ARMH3: variants seen among roughly 807,000 people sequenced by gnomAD.
ARMH3 encodes armadillo-like helical domain-containing protein 3.
In ARMH3, 60 loss-of-function variants were observed where a neutral mutation model predicts 99.1. That is an observed-to-expected ratio of 0.61 (90% CI 0.49 to 0.75). The LOEUF is 0.75. ARMH3 is among the 30% of genes least tolerant of loss of function. The pLI is 0.00. For synonymous variants in ARMH3, 285 were observed against 292.8 expected, an observed-to-expected ratio of 0.97 and a Z score of 0.27; for missense variants, 679 against 843.1, an observed-to-expected ratio of 0.81 and a Z score of 2.41.
At chr10:101,854,479 C>T (rs147270021) in intron 24 of ARMH3, among the ~76,000 whole-genome samples, 1 of 152,196 alleles carries the variant, frequency 6.6e-6, no homozygotes, top group Non-Finnish European at 1.5e-5. Context: ...TTCTTCACCA[C>T]AAAGGAACAA....
chr10:101,902,186 A>G (rs905190816), intron 23 of ARMH3, among the ~76,000 whole-genome samples: 6 of 152,324 alleles, frequency 3.9e-5, no homozygotes, highest in Admixed American at 1.3e-4. Context: ...TCAAAATGAA[A>G]GCCCCAAATT....
chr10:101,972,174 GAT>G (rs1437157422), intron 20 of ARMH3, among the ~76,000 whole-genome samples: 2 of 152,104 alleles, frequency 1.3e-5, no homozygotes, highest in African/African-American at 4.8e-5. Context: ...TTGTCCATAA[GAT>G]CACACCTGTA....
chr10:102,029,815 T>C, intron 4 of ARMH3, 70 bp from the exon 5 acceptor site: 1 of 1,394,680 alleles, frequency 7.2e-7, no homozygotes, highest in Non-Finnish European at 1.0e-6. Flanking sequence ...CATTGCAGCC[T>C]CATCCTTACA....
At chr10:102,002,721 G>A (rs756850775) in intron 14 of ARMH3, among the ~76,000 whole-genome samples, 2 of 151,950 alleles carry the variant, frequency 1.3e-5, no homozygotes, top group African/African-American at 2.4e-5. Context: ...AGCACTTTGG[G>A]AGCCCGAGTT....
At chr10:101,892,262 T>C (rs2067711608) in intron 23 of ARMH3, among the ~76,000 whole-genome samples, 2 of 151,804 alleles carry the variant, frequency 1.3e-5, no homozygotes, top group South Asian at 2.1e-4. Flanking sequence ...CTGAGCAACA[T>C]GGTGAGACCT....
intron 22 of ARMH3, among the ~76,000 whole-genome samples, chr10:101,951,760 T>C (rs1490777843): frequency 6.6e-6 from 1 of 150,996 alleles, no homozygotes; most frequent in African/African-American, 2.4e-5. Flanking sequence ...CCCATTTACC[T>C]GGGAGGCTAA....
intron 24 of ARMH3, among the ~76,000 whole-genome samples, chr10:101,859,345 A>G (rs1470082174): frequency 6.6e-6 from 1 of 152,242 alleles, no homozygotes. Flanking sequence ...CCCCTGAGAC[A>G]GCAGCTGCAG....
rs1195310551 is a variant in ARMH3, at chr10:101,970,656, T to TA, written c.1495+4555dup. 2.7e-3 allele frequency among the ~76,000 whole-genome samples: 387 copies of TA among 144,620 alleles called. 3 individuals carry two copies. The highest frequency in any genetic ancestry group is 8.5e-3 in the African/African-American group (337 of 39,574). 94.9% of individuals were successfully genotyped at this position (144,620 alleles called of 152,430 possible). ...GGGCAACATGATGAAACCCCATCTC[T>TA]AAAAAAAAAAATACAAAAATAAGCC... On this transcript the variant is annotated intron_variant, in intron 20 of 25. Transcript: ENST00000370033.
intron 23 of ARMH3, among the ~76,000 whole-genome samples, chr10:101,938,413 G>A (rs1184196604): frequency 2.0e-5 from 3 of 152,192 alleles, no homozygotes; most frequent in Non-Finnish European, 4.4e-5. Context: ...TGGCCCTTGG[G>A]AAGAACACAG....
chr10:102,008,061 T>A (rs1397094553), intron 13 of ARMH3, among the ~76,000 whole-genome samples: 1 of 152,146 alleles, frequency 6.6e-6, no homozygotes, highest in Non-Finnish European at 1.5e-5. Context: ...TTCCCTTTTC[T>A]TCCCTAACAG....
intron 1 of ARMH3, among the ~76,000 whole-genome samples, chr10:102,041,223 A>AT (rs1443594345): frequency 2.0e-4 from 29 of 147,908 alleles, no homozygotes; most frequent in Non-Finnish European, 3.4e-4. Flanking sequence ...GGAATTCTCG[A>AT]TTTTTTTTTT....
chr10:101,896,498 T>C (rs1209244775), intron 23 of ARMH3, among the ~76,000 whole-genome samples: 1 of 152,174 alleles, frequency 6.6e-6, no homozygotes, highest in Admixed American at 6.5e-5. Context: ...TAAAGTTAGA[T>C]TGTGATGATG....
At chr10:101,886,325 C>T (rs561201317) in intron 24 of ARMH3, among the ~76,000 whole-genome samples, 42 of 144,044 alleles carry the variant, frequency 2.9e-4, no homozygotes, top group African/African-American at 8.6e-4. Flanking sequence ...ACCAACCTGG[C>T]AAACATGGCG....
At chr10:101,932,730 CAG>C (rs1353442916) in intron 23 of ARMH3, among the ~76,000 whole-genome samples, 2 of 152,052 alleles carry the variant, frequency 1.3e-5, no homozygotes, top group Non-Finnish European at 2.9e-5. Flanking sequence ...AAACAGAAAA[CAG>C]AATGATAATA....
intron 22 of ARMH3, among the ~76,000 whole-genome samples, chr10:101,942,304 C>T (rs1410371506): frequency 6.6e-6 from 1 of 152,128 alleles, no homozygotes; most frequent in East Asian, 1.9e-4. Flanking sequence ...ATCATGATTA[C>T]AACTCTGTAA....
In ARMH3 at chr10:102,010,148, G is replaced by A. The variant is rs1590178445; in HGVS notation, c.832-125C>T. The A allele has an allele frequency of 1.0e-5, 8 of 781,146 alleles. No homozygotes were observed. In the East Asian group the frequency reaches 1.6e-4, roughly 15 times the overall value. 48.4% of individuals were successfully genotyped at this position (781,146 alleles called of 1,614,324 possible). On this transcript the variant is annotated intron_variant, in intron 11 of 25. Transcript: ENST00000370033. ...CACCTGGGGAGAACTTGGAACTCTA[G>A]GCCATAAGTCACACACACCAAAACC...
chr10:102,012,827 A>T lies in ARMH3; in HGVS notation c.770+6T>A. Reference sequence around the variant, plus strand: ...ACCCCCTTCCATTCTGGAAAGGTGGACTTACCTGTTGTACTCAGATAAAGC... The same window carrying T: ...ACCCCCTTCCATTCTGGAAAGGTGGTCTTACCTGTTGTACTCAGATAAAGC... On this transcript the variant is annotated splice_donor_region_variant and intron_variant, in intron 10 of 25. Coordinates refer to ENST00000370033, the MANE Select transcript of ARMH3 (RefSeq NM_024541.3). 6.2e-7 allele frequency: 1 copy of T among 1,607,856 alleles called. No individual in the cohort carries two copies. The highest frequency in any genetic ancestry group is 8.5e-7 in the Non-Finnish European group (1 of 1,176,128).
intron 4 of ARMH3, 105 bp from the exon 5 acceptor site, chr10:102,029,850 T>G: frequency 8.9e-7 from 1 of 1,122,472 alleles, no homozygotes. Flanking sequence ...TAAATTCAAT[T>G]TCTCTGAGTT....
At chr10:101,975,139 C>T in intron 20 of ARMH3, 73 bp downstream of exon 20, 1 of 1,089,256 alleles carries the variant, frequency 9.2e-7, no homozygotes, top group Non-Finnish European at 1.3e-6. Flanking sequence ...AACAAAAAAT[C>T]CACCTTGAGC....
Sources: gnomAD v4.1 joint callset for allele counts (sites outside exome capture counted in the v4.1 genomes callset) on GRCh38, gnomAD v4.1.1 for gene constraint, MANE v1.5 for transcripts, NCBI Gene and HGNC (gene_info 2026-07-23, HGNC 2026-07-21) for gene names.